Variants in VEZT observed in about 807,000 individuals in gnomAD.
VEZT encodes the protein vezatin, adherens junctions transmembrane protein, also known as vezatin.
A neutral mutation model predicts 79.9 loss-of-function variants in VEZT; 39 were observed. That is an observed-to-expected ratio of 0.49 (90% CI 0.38 to 0.64). VEZT has a LOEUF of 0.64. Ranked by LOEUF, VEZT falls within the 30% of genes least tolerant of loss-of-function variation. The pLI is 0.00. For missense variants in VEZT, 837 were observed against 893.1 expected, an observed-to-expected ratio of 0.94 and a Z score of 0.80; for synonymous variants, 325 against 327.6, an observed-to-expected ratio of 0.99 and a Z score of 0.09.
intron 1 of VEZT, 69 bp downstream of exon 1, chr12:95,217,955 CA>C: frequency 7.1e-7 from 1 of 1,418,158 alleles, no homozygotes; most frequent in Non-Finnish European, 9.3e-7. Flanking sequence ...ATCGAGGAAG[CA>C]AGGCGTTCCC....
At chr12:95,257,021 T>G in intron 2 of VEZT, 129 bp from the exon 3 acceptor site, 1 of 725,372 alleles carries the variant, frequency 1.4e-6, no homozygotes, top group Admixed American at 3.1e-5. Flanking sequence ...ACAAGGTATA[T>G]AACCTGGACA....
Position 95,282,549 on chromosome 12 carries a change from G to C in VEZT, c.1233G>C (p.Gln411His), listed in dbSNP as rs545229776. Reference sequence around the variant, plus strand: ...AAACTCAGCACCAGTCAGTACCGCAGTGTTTATCCAAAACTCAACAGAAGT... The same window carrying C: ...AAACTCAGCACCAGTCAGTACCGCACTGTTTATCCAAAACTCAACAGAAGT... ...YFETQHQSVP[Q>H]CLSKTQQKSR... is the part of the protein sequence containing the mutation. Residue 411 changes from glutamine to histidine, a missense_variant, in exon 8 of 12, where the codon CAG (glutamine) becomes CAC (histidine). Transcript: ENST00000436874. The C allele has an allele frequency of 6.2e-7, 1 of 1,614,004 alleles. No individual in the cohort carries two copies. Among genetic ancestry groups the C allele is most frequent in the East Asian group, 2.2e-5 (1 of 44,880 alleles).
At chr12:95,289,417 CAAAAAAAAAAA>C (rs146728004) in intron 9 of VEZT, among the ~76,000 whole-genome samples, 11 of 69,488 alleles carry the variant, frequency 1.6e-4, no homozygotes, top group East Asian at 4.7e-4. Context: ...ACTCTTGTCT[CAAAAAAAAAAA>C]AAAAAAAAAA....
intron 6 of VEZT, among the ~76,000 whole-genome samples, chr12:95,271,253 A>G (rs2066535451): frequency 6.6e-6 from 1 of 152,210 alleles, no homozygotes; most frequent in Non-Finnish European, 1.5e-5. Context: ...ATTTTTATTA[A>G]GAACTTTTCC....
At chr12:95,262,084 T>G (rs1431272565) in intron 3 of VEZT, among the ~76,000 whole-genome samples, 1 of 152,256 alleles carries the variant, frequency 6.6e-6, no homozygotes, top group Non-Finnish European at 1.5e-5. Context: ...GGTCAATTTT[T>G]GTTCATCCTT....
intron 1 of VEZT, among the ~76,000 whole-genome samples, chr12:95,228,602 G>A (rs1203805545): frequency 6.6e-6 from 1 of 151,988 alleles, no homozygotes; most frequent in East Asian, 1.9e-4. Flanking sequence ...AGTAGTAGCT[G>A]AGATTAGAAG....
chr12:95,221,763 G>A (rs2057626779), intron 1 of VEZT, among the ~76,000 whole-genome samples: 1 of 151,988 alleles, frequency 6.6e-6, no homozygotes, highest in Admixed American at 6.6e-5. Flanking sequence ...GCAGAAGATT[G>A]CTTGAGCCCA....
chr12:95,260,702 G>A (rs995326036), intron 3 of VEZT, among the ~76,000 whole-genome samples: 1 of 152,142 alleles, frequency 6.6e-6, no homozygotes, highest in Non-Finnish European at 1.5e-5. Context: ...AGCTTTTGTA[G>A]CAAAAGTTTG....
chr12:95,232,879 C>T (rs1017307257), intron 1 of VEZT, among the ~76,000 whole-genome samples: 3 of 152,240 alleles, frequency 2.0e-5, no homozygotes, highest in African/African-American at 7.2e-5. Context: ...AATCTCGGCT[C>T]ACTGCATCCT....
At chr12:95,247,557 GT>G (rs542113164) in intron 1 of VEZT, among the ~76,000 whole-genome samples, 1 of 151,758 alleles carries the variant, frequency 6.6e-6, no homozygotes, top group Non-Finnish European at 1.5e-5. Context: ...AAAATAATAA[GT>G]TTTTTTTAAA....
rs760199080 is a variant in VEZT at position 95,296,088 on chromosome 12, G to A, written c.1661G>A (p.Ser554Asn). ...EAYVDDIDIDSDFRKDDFYYL... is the reference protein window; with the variant it reads ...EAYVDDIDIDNDFRKDDFYYL... Reference sequence around the variant, plus strand: ...TATGTAGATGATATAGATATTGATAGTGATTTCAGAAAGGATGATTTTTAT... The same window carrying A: ...TATGTAGATGATATAGATATTGATAATGATTTCAGAAAGGATGATTTTTAT... Residue 554 changes from serine to asparagine, a missense_variant, in exon 11 of 12, where the codon AGT becomes AAT. By Grantham distance (46) the Ser-to-Asn change is conservative. Transcript: ENST00000436874. 1.3e-6 allele frequency: 2 copies of A among 1,557,528 alleles called. No homozygotes were observed.
chr12:95,295,395 C>T (rs1017571602), intron 10 of VEZT, among the ~76,000 whole-genome samples: 5 of 151,822 alleles, frequency 3.3e-5, no homozygotes, highest in Admixed American at 6.6e-5. Context: ...CTCCTGACCT[C>T]GTGATCCGCC....
At chr12:95,270,849 A>G (rs1355320132) in intron 6 of VEZT, among the ~76,000 whole-genome samples, 1 of 152,226 alleles carries the variant, frequency 6.6e-6, no homozygotes, top group Non-Finnish European at 1.5e-5. Flanking sequence ...TAGTTCTATT[A>G]GCCAGAAAAT....
At chr12:95,289,093 T>TAAAAAA in intron 9 of VEZT, among the ~76,000 whole-genome samples, 1 of 107,668 alleles carries the variant, frequency 9.3e-6, no homozygotes, top group South Asian at 2.8e-4. Context: ...AAAAAAAAAA[T>TAAAAAA]AAATAAATAA....
At chr12:95,282,676 C>A in intron 8 of VEZT, 32 bp downstream of exon 8, 1 of 1,520,036 alleles carries the variant, frequency 6.6e-7, no homozygotes. Flanking sequence ...AGAAAGGTCT[C>A]GGTAATTAGC....
chr12:95,256,690 TG>T, intron 2 of VEZT: 1 of 865,792 alleles, frequency 1.2e-6, no homozygotes, highest in Non-Finnish European at 1.6e-6. Context: ...TTTTCTAAAA[TG>T]GTCAAAGTAT....
At chr12:95,249,569 A>G (rs941855720) in intron 1 of VEZT, among the ~76,000 whole-genome samples, 35 of 152,246 alleles carry the variant, frequency 2.3e-4, no homozygotes, top group Admixed American at 7.2e-4. Flanking sequence ...CTTAAAAGAA[A>G]GGCATTTGAC....
chr12:95,236,230 G>A (rs534606267), intron 1 of VEZT, among the ~76,000 whole-genome samples: 4 of 151,994 alleles, frequency 2.6e-5, no homozygotes, highest in South Asian at 2.1e-4. Context: ...AGACCAGCCC[G>A]GCCAACACAG....
intron 1 of VEZT, among the ~76,000 whole-genome samples, chr12:95,231,028 G>T (rs762526477): frequency 2.6e-5 from 4 of 152,130 alleles, no homozygotes; most frequent in Non-Finnish European, 5.9e-5. Flanking sequence ...GACGTAGGTA[G>T]TATTGCACTT....
Sources: allele counts gnomAD v4.1 joint callset (sites outside exome capture counted in the v4.1 genomes callset), GRCh38; gene constraint gnomAD v4.1.1; transcripts MANE v1.5; gene names NCBI Gene and HGNC (gene_info 2026-07-23, HGNC 2026-07-21).